The following TMEM132C variants were observed in gnomAD, a reference collection of about 807,000 sequenced individuals.
TMEM132C encodes transmembrane protein 132C.
Under a neutral mutation model 61.4 loss-of-function variants are expected in TMEM132C, and 29 were observed. That is an observed-to-expected ratio of 0.47 (90% CI 0.35 to 0.64). TMEM132C has a LOEUF of 0.64. TMEM132C is among the 30% of genes least tolerant of loss of function. The probability of loss-of-function intolerance (pLI) is 0.00; values close to 1 mark genes in which losing one functional copy is unlikely to be tolerated. For synonymous variants in TMEM132C, 656 were observed against 633.1 expected (o/e 1.04, Z -0.54); for missense variants, 1,408 against 1,476.9 (o/e 0.95, Z 0.76).
rs565112858 is a variant in TMEM132C at position 128,414,866 on chromosome 12, A to C, written c.220A>C (p.Asn74His). 9.3e-5 allele frequency: 144 copies of C among 1,551,240 alleles called. 2 individuals carry two copies. The East Asian group carries it at 3.1e-3, about 33-fold the overall frequency. The change falls in exon 2 of 9, where the codon AAC (asparagine) becomes CAC (histidine). Residue 74 changes from asparagine (N) to histidine (H), a missense_variant. Coordinates refer to ENST00000435159, the MANE Select transcript of TMEM132C (RefSeq NM_001136103.3). ...GGAAGCCAACCAGGACCTGCTGCGG[A>C]ACTCCAGCCTGCAGGCGAGGGTGGA... ...LKEANQDLLRNSSLQARVESF... is the reference protein window; with the variant it reads ...LKEANQDLLRHSSLQARVESF...
intron 2 of TMEM132C, among the ~76,000 whole-genome samples, chr12:128,517,179 C>T (rs745423778): frequency 2.0e-5 from 3 of 151,448 alleles, no homozygotes; most frequent in Admixed American, 6.6e-5. Context: ...TGCAGTGAGG[C>T]GAGATCACAC....
At chr12:128,663,672 C>A (rs1001670371) in intron 4 of TMEM132C, among the ~76,000 whole-genome samples, 1 of 151,942 alleles carries the variant, frequency 6.6e-6, no homozygotes, top group Admixed American at 6.5e-5. Context: ...CATGAAATTA[C>A]TTCTATGTAT....
intron 4 of TMEM132C, among the ~76,000 whole-genome samples, chr12:128,634,987 G>A (rs528180867): frequency 4.0e-4 from 61 of 152,360 alleles, no homozygotes; most frequent in African/African-American, 1.4e-3. Context: ...TCAGGCAGCT[G>A]TAGGGAAGAA....
At chr12:128,683,784 T>C (rs976329587) in intron 5 of TMEM132C, among the ~76,000 whole-genome samples, 5 of 152,232 alleles carry the variant, frequency 3.3e-5, no homozygotes, top group East Asian at 1.9e-4. Context: ...CTGATCAACA[T>C]GGTGAAACCC....
chr12:128,347,669 C>T (rs1172267677), intron 1 of TMEM132C, among the ~76,000 whole-genome samples: 1 of 152,210 alleles, frequency 6.6e-6, no homozygotes, highest in Non-Finnish European at 1.5e-5. Context: ...GTCAGGTGAT[C>T]CACCCGCCTT....
chr12:128,475,063 G>A (rs1871111049), intron 2 of TMEM132C, among the ~76,000 whole-genome samples: 1 of 152,152 alleles, frequency 6.6e-6, no homozygotes, highest in African/African-American at 2.4e-5. Context: ...ACGTGAGGAT[G>A]TGGCAACAAT....
At chr12:128,379,815 C>T (rs897230891) in intron 1 of TMEM132C, among the ~76,000 whole-genome samples, 2 of 152,146 alleles carry the variant, frequency 1.3e-5, no homozygotes, top group Admixed American at 6.5e-5. Flanking sequence ...ATGCTTTTAG[C>T]GACCAGCATT....
intron 1 of TMEM132C, among the ~76,000 whole-genome samples, chr12:128,315,067 C>T (rs1565898704): frequency 6.6e-6 from 1 of 152,110 alleles, no homozygotes; most frequent in Non-Finnish European, 1.5e-5. Context: ...GATGGGAAGT[C>T]TATTTTGAAT....
At chr12:128,590,011 G>A (rs1221333236) in intron 3 of TMEM132C, among the ~76,000 whole-genome samples, 1 of 152,218 alleles carries the variant, frequency 6.6e-6, no homozygotes, top group East Asian at 1.9e-4. Context: ...AAAATAAACA[G>A]TGGAGGTTGT....
At chr12:128,390,474 C>T (rs557157677) in intron 1 of TMEM132C, among the ~76,000 whole-genome samples, 2 of 152,254 alleles carry the variant, frequency 1.3e-5, no homozygotes, top group South Asian at 4.1e-4. Context: ...TCCTCTGCCA[C>T]CTCCCTCCTC....
intron 2 of TMEM132C, among the ~76,000 whole-genome samples, chr12:128,423,964 A>G (rs1302922778): frequency 5.5e-5 from 8 of 145,466 alleles, no homozygotes; most frequent in South Asian, 2.3e-4. Context: ...GGAGAATGGC[A>G]TGAACCCAGG....
At chr12:128,443,043 A>AGT (rs1869851535) in intron 2 of TMEM132C, among the ~76,000 whole-genome samples, 1 of 152,154 alleles carries the variant, frequency 6.6e-6, no homozygotes, top group South Asian at 2.1e-4. Flanking sequence ...AGTGTTTAGG[A>AGT]GTGAAATGTC....
chr12:128,469,833 T>C (rs985317633), intron 2 of TMEM132C, among the ~76,000 whole-genome samples: 2 of 152,046 alleles, frequency 1.3e-5, no homozygotes, highest in African/African-American at 4.8e-5. Context: ...TGCATTTATA[T>C]ACATAAATGT....
chr12:128,625,367 G>A (rs1954004984), intron 4 of TMEM132C, among the ~76,000 whole-genome samples: 1 of 152,136 alleles, frequency 6.6e-6, no homozygotes, highest in Admixed American at 6.5e-5. Context: ...CCCACGTGGT[G>A]GAATGGGCAA....
At chr12:128,541,507 C>T (rs10847645) in intron 2 of TMEM132C, among the ~76,000 whole-genome samples, 34,821 of 152,180 alleles carry the variant, frequency 0.23, 4,920 homozygotes, top group Admixed American at 0.33. Context: ...GTAATCCCAG[C>T]CACCAGTCAC....
At chr12:128,682,686 C>G (rs560290762) in intron 5 of TMEM132C, among the ~76,000 whole-genome samples, 18 of 152,188 alleles carry the variant, frequency 1.2e-4, no homozygotes, top group Non-Finnish European at 2.2e-4. Flanking sequence ...CATCGCCCGC[C>G]CCAGGTGGGA....
chr12:128,681,372 G>A (rs970141259), intron 5 of TMEM132C, among the ~76,000 whole-genome samples: 1 of 152,128 alleles, frequency 6.6e-6, no homozygotes, highest in African/African-American at 2.4e-5. Context: ...GTCTGGGCTG[G>A]TGAAGATATC....
At chr12:128,536,543 A>AG (rs397748791) in intron 2 of TMEM132C, among the ~76,000 whole-genome samples, 1 of 149,468 alleles carries the variant, frequency 6.7e-6, no homozygotes, top group Non-Finnish European at 1.5e-5. Context: ...AAAAAAAGAG[A>AG]AGGTGGCTGT....
chr12:128,655,157 T>C (rs1046949972), intron 4 of TMEM132C, among the ~76,000 whole-genome samples: 2 of 152,168 alleles, frequency 1.3e-5, no homozygotes, highest in African/African-American at 2.4e-5. Flanking sequence ...CGTGGTCAGG[T>C]AACGTGTCCA....
Sources: gnomAD v4.1 joint callset for allele counts (sites outside exome capture counted in the v4.1 genomes callset) on GRCh38, gnomAD v4.1.1 for gene constraint, MANE v1.5 for transcripts, NCBI Gene and HGNC (gene_info 2026-07-23, HGNC 2026-07-21) for gene names.